Variants in PPARGC1A observed in about 807,000 individuals in gnomAD.
PPARGC1A encodes PPARG coactivator 1 alpha.
Under a neutral mutation model 88.7 loss-of-function variants are expected in PPARGC1A, and 25 were observed. The ratio of observed to expected loss-of-function variants is 0.28; its 90% confidence interval spans 0.21 to 0.39. The LOEUF (loss-of-function observed/expected upper bound fraction) is 0.39. PPARGC1A is among the 10% of genes least tolerant of loss of function. PPARGC1A has a pLI of 1.00. For missense variants in PPARGC1A, 880 were observed against 968.7 expected (o/e 0.91, Z 1.22); for synonymous variants, 363 against 355.6 (o/e 1.02, Z -0.24).
the PPARGC1A span, among the ~76,000 whole-genome samples, chr4:24,039,918 T>C: frequency 5.3e-5 from 8 of 152,124 alleles, no homozygotes; most frequent in Admixed American, 5.2e-4. Context: ...CACTGTATCA[T>C]TTCATAGCTT....
chr4:24,016,529 G>A, the PPARGC1A span, among the ~76,000 whole-genome samples: 1 of 152,138 alleles, frequency 6.6e-6, no homozygotes, highest in African/African-American at 2.4e-5. Flanking sequence ...TTCAGAAGGA[G>A]TGCCACAGCC....
intron 7 of PPARGC1A, among the ~76,000 whole-genome samples, chr4:23,818,797 C>G (rs1169928621): frequency 1.4e-5 from 2 of 146,110 alleles, no homozygotes; most frequent in African/African-American, 2.5e-5. Flanking sequence ...AATGGTGAGT[C>G]CCTGGCTCTG....
At chr4:24,139,525 G>A in the PPARGC1A span, among the ~76,000 whole-genome samples, 1 of 152,062 alleles carries the variant, frequency 6.6e-6, no homozygotes, top group African/African-American at 2.4e-5. Context: ...CAGACAATAC[G>A]TGAAGAGAAA....
the PPARGC1A span, among the ~76,000 whole-genome samples, chr4:24,385,178 C>T: frequency 6.6e-6 from 1 of 151,924 alleles, no homozygotes; most frequent in Non-Finnish European, 1.5e-5. Context: ...GAAATAAATA[C>T]GTTATTTGAA....
the PPARGC1A span, among the ~76,000 whole-genome samples, chr4:24,402,420 C>A: frequency 4.6e-5 from 7 of 152,308 alleles, no homozygotes; most frequent in African/African-American, 1.7e-4. Flanking sequence ...CTTCCATTGG[C>A]CAGGTGGTGC....
At chr4:23,921,036 T>C in the PPARGC1A span, among the ~76,000 whole-genome samples, 1 of 151,996 alleles carries the variant, frequency 6.6e-6, no homozygotes, top group Non-Finnish European at 1.5e-5. Flanking sequence ...CAATTGAGTC[T>C]CCCGTGCCAC....
At chr4:24,470,261 CTCA>C in the PPARGC1A span, among the ~76,000 whole-genome samples, 1 of 142,288 alleles carries the variant, frequency 7.0e-6, no homozygotes, top group Admixed American at 7.1e-5. The surrounding 1 kb of genome is among the most constrained non-coding windows in gnomAD (Gnocchi z 5.8). Context: ...TGGTTTCTGA[CTCA>C]TCGACAGACA....
chr4:24,450,295 A>G, the PPARGC1A span, among the ~76,000 whole-genome samples: 6 of 152,106 alleles, frequency 3.9e-5, no homozygotes, highest in Non-Finnish European at 7.3e-5. Flanking sequence ...CATGCCACAC[A>G]TTGTCCTAAG....
chr4:24,205,337 A>T, the PPARGC1A span, among the ~76,000 whole-genome samples: 4 of 152,120 alleles, frequency 2.6e-5, no homozygotes, highest in Admixed American at 2.6e-4. Context: ...AGCTCAATAT[A>T]TACTTTTTCG....
At chr4:24,246,718 A>G in the PPARGC1A span, among the ~76,000 whole-genome samples, 1 of 152,218 alleles carries the variant, frequency 6.6e-6, no homozygotes, top group South Asian at 2.1e-4. Context: ...CTAGTTGGTC[A>G]TTGACTAAAA....
the PPARGC1A span, among the ~76,000 whole-genome samples, chr4:24,194,330 T>C: frequency 6.6e-6 from 1 of 152,294 alleles, no homozygotes; most frequent in East Asian, 1.9e-4. Context: ...GACAGAGAGC[T>C]GATTTAATAT....
chr4:23,814,677 C>A, intron 7 of PPARGC1A, 72 bp from the exon 8 acceptor site: 3 of 1,296,646 alleles, frequency 2.3e-6, no homozygotes, highest in East Asian at 2.5e-5. Flanking sequence ...TTCTTAAATG[C>A]GAAGACACAT....
upstream of PPARGC1A, chr4:23,890,137 C>G (rs1717606604): frequency 7.7e-7 from 1 of 1,290,680 alleles, no homozygotes; most frequent in South Asian, 2.6e-5. Flanking sequence ...CTCACCCAGC[C>G]TCCCTTCCCC....
chr4:24,279,809 A>C, the PPARGC1A span, among the ~76,000 whole-genome samples: 1 of 152,106 alleles, frequency 6.6e-6, no homozygotes, highest in Non-Finnish European at 1.5e-5. Flanking sequence ...AAAATGGCAC[A>C]TTGATAGAAA....
At chr4:24,196,317 G>C in the PPARGC1A span, among the ~76,000 whole-genome samples, 6 of 152,216 alleles carry the variant, frequency 3.9e-5, no homozygotes, top group Admixed American at 1.3e-4. Flanking sequence ...ACAGGAGAAA[G>C]AAATGCATGC....
the PPARGC1A span, among the ~76,000 whole-genome samples, chr4:24,013,934 G>C: frequency 6.6e-6 from 1 of 152,106 alleles, no homozygotes; most frequent in Non-Finnish European, 1.5e-5. Flanking sequence ...GGAATAAAAA[G>C]CCCAGAAGTC....
the PPARGC1A span, among the ~76,000 whole-genome samples, chr4:23,920,364 A>T: frequency 2.0e-5 from 3 of 152,104 alleles, no homozygotes; most frequent in Admixed American, 6.6e-5. Context: ...TCTAATTTTT[A>T]AAAAAATGAA....
At chr4:24,010,918 G>A in the PPARGC1A span, among the ~76,000 whole-genome samples, 14 of 152,222 alleles carry the variant, frequency 9.2e-5, no homozygotes, top group South Asian at 2.1e-4. Context: ...GAGAGTCCCC[G>A]TGAGTGATAA....
At chr4:24,286,611 C>T in the PPARGC1A span, among the ~76,000 whole-genome samples, 1 of 152,232 alleles carries the variant, frequency 6.6e-6, no homozygotes, top group Non-Finnish European at 1.5e-5. Flanking sequence ...AGTGAAGGCA[C>T]AGAGAGAATC....
Sources: gnomAD v4.1 joint callset for allele counts (sites outside exome capture counted in the v4.1 genomes callset) on GRCh38, gnomAD v4.1.1 for gene constraint, Gnocchi (gnomAD v3.1) non-coding constraint, MANE v1.5 for transcripts, NCBI Gene and HGNC (gene_info 2026-07-23, HGNC 2026-07-21) for gene names.